Variants in GNA12 observed in about 807,000 individuals in gnomAD.
GNA12 encodes G protein subunit alpha 12.
A neutral mutation model predicts 26.0 loss-of-function variants in GNA12; 9 were observed. The observed-to-expected ratio is 0.35, with a 90% CI of 0.21 to 0.60. GNA12 has a LOEUF of 0.60. GNA12 is among the 20% of genes least tolerant of loss of function. The probability of loss-of-function intolerance (pLI) is 0.78; values close to 1 mark genes in which losing one functional copy is unlikely to be tolerated. For synonymous variants in GNA12, 264 were observed against 219.6 expected (o/e 1.20, Z -1.79); for missense variants, 405 against 525.8 (o/e 0.77, Z 2.25).
At chr7:2,830,820 T>G (rs1182187) in intron 1 of GNA12, among the ~76,000 whole-genome samples, 38,990 of 151,990 alleles carry the variant, frequency 0.26, 5,453 homozygotes, top group Non-Finnish European at 0.3. Flanking sequence ...TGTGCACCTG[T>G]GTCCTAGCTA....
At chr7:2,816,472 C>T (rs1793222688) in intron 1 of GNA12, among the ~76,000 whole-genome samples, 1 of 152,182 alleles carries the variant, frequency 6.6e-6, no homozygotes, top group African/African-American at 2.4e-5. Context: ...CTCAGGTGAT[C>T]CACCTGTCTT....
chr7:2,736,572 G>T (rs551170268), intron 2 of GNA12, among the ~76,000 whole-genome samples: 1 of 152,186 alleles, frequency 6.6e-6, no homozygotes, highest in East Asian at 1.9e-4. Flanking sequence ...GTTGATATGG[G>T]GCCTGTGCAC....
At chr7:2,787,036 G>A (rs1191216690) in intron 2 of GNA12, among the ~76,000 whole-genome samples, 1 of 152,152 alleles carries the variant, frequency 6.6e-6, no homozygotes, top group African/African-American at 2.4e-5. Flanking sequence ...ACACACAGAG[G>A]CAGCCTGGGC....
Position 2,843,936 on chromosome 7 carries a change from G to A in GNA12, c.226C>T (p.Gln76Ter). 2 of 1,593,004 alleles carry A rather than the reference G, an allele frequency of 1.3e-6. No individual in the cohort carries two copies. Among genetic ancestry groups the A allele is most frequent in the Non-Finnish European group, 1.7e-6 (2 of 1,171,562 alleles). Residue 76 changes from glutamine (Q) to a stop codon, truncating the protein, a stop_gained, in exon 1 of 4, where the codon CAG (glutamine) becomes TAG (stop). Coordinates refer to ENST00000275364, the MANE Select transcript of GNA12 (RefSeq NM_007353.3). LOFTEE classifies it high-confidence loss of function. ...GESGKSTFLK[Q>*]MRIIHGREFD... ...TCGCGGCCGTGGATGATGCGCATCT[G>A]CTTGAGGAACGTGGACTTGCCGCTC... is the stretch of plus-strand genomic sequence containing the variant.
At chr7:2,809,061 AC>A (rs1197382670) in intron 1 of GNA12, among the ~76,000 whole-genome samples, 1 of 151,956 alleles carries the variant, frequency 6.6e-6, no homozygotes, top group African/African-American at 2.4e-5. Flanking sequence ...CCAAAACTGC[AC>A]CCCAGGCCCA....
chr7:2,796,610 T>C (rs924165832), intron 1 of GNA12, among the ~76,000 whole-genome samples: 4 of 152,174 alleles, frequency 2.6e-5, no homozygotes, highest in South Asian at 2.1e-4. Flanking sequence ...ACAAGCCAAG[T>C]AGCCCGCCCA....
At position 2,795,040 on chromosome 7, in the gene GNA12, G is replaced by T; in HGVS notation, c.413C>A (p.Ala138Glu). The T allele has an allele frequency of 1.2e-6, 2 of 1,613,826 alleles. No individual in the cohort carries two copies. Among genetic ancestry groups the T allele is most frequent in the Non-Finnish European group, 1.7e-6 (2 of 1,179,730 alleles). ...GMFLMAFENK[A>E]GLPVEPATFQ... ...GGTGGCCGGCTCCACAGGCAGCCCC[G>T]CCTTGTTCTCGAAGGCCATCAGGAA... is the stretch of plus-strand genomic sequence containing the variant. Residue 138 changes from alanine (A) to glutamate (E), a missense_variant, in exon 2 of 4, where the codon GCG becomes GAG. By Grantham distance (107) the Ala-to-Glu change is moderately radical (BLOSUM62 -1). Transcript: ENST00000275364.
At chr7:2,770,330 A>G (rs1791916965) in intron 2 of GNA12, among the ~76,000 whole-genome samples, 1 of 152,202 alleles carries the variant, frequency 6.6e-6, no homozygotes, top group Non-Finnish European at 1.5e-5. Context: ...ATGATCACAC[A>G]ATTTTAAATT....
At chr7:2,777,890 A>G (rs1207518402) in intron 2 of GNA12, among the ~76,000 whole-genome samples, 1 of 152,260 alleles carries the variant, frequency 6.6e-6, no homozygotes, top group Non-Finnish European at 1.5e-5. Context: ...CCTTGAACTC[A>G]TAAGCAAGGA....
chr7:2,769,768 G>T (rs886244364), intron 2 of GNA12, among the ~76,000 whole-genome samples: 2 of 151,894 alleles, frequency 1.3e-5, no homozygotes, highest in African/African-American at 4.8e-5. Context: ...AAAAAACACA[G>T]CTCTGGCCAA....
rs374069762 is a variant in GNA12 at position 2,773,528 on chromosome 7, C to T, written c.525+21400G>A. ...AGTGAGCCAAAATCACACCACTGCA[C>T]TCCAGCCAGGGCGACAGAGTGAGAC... On this transcript the variant is annotated intron_variant, in intron 2 of 3. Transcript: ENST00000275364. 3.3e-5 allele frequency among the ~76,000 whole-genome samples: 5 copies of T among 152,290 alleles called. No individual in the cohort carries two copies. The East Asian group carries it at 7.7e-4, about 23-fold the overall frequency.
chr7:2,820,655 C>T (rs755674930), intron 1 of GNA12, among the ~76,000 whole-genome samples: 2 of 152,228 alleles, frequency 1.3e-5, no homozygotes, highest in Admixed American at 6.5e-5. Flanking sequence ...CCTGCCCCAC[C>T]GGCCAGTCAC....
chr7:2,749,389 T>A (rs1038536973), intron 2 of GNA12, among the ~76,000 whole-genome samples: 1 of 152,088 alleles, frequency 6.6e-6, no homozygotes, highest in Non-Finnish European at 1.5e-5. Flanking sequence ...GAAACCATCA[T>A]TGTCAGCAAA....
chr7:2,796,048 A>G (rs1792662412), intron 1 of GNA12, among the ~76,000 whole-genome samples: 1 of 152,016 alleles, frequency 6.6e-6, no homozygotes, highest in Non-Finnish European at 1.5e-5. Context: ...TATTTTTAGT[A>G]GAGAGGGGGG....
At chr7:2,740,348 T>C (rs557449968) in intron 2 of GNA12, among the ~76,000 whole-genome samples, 115 of 152,254 alleles carry the variant, frequency 7.6e-4, no homozygotes, top group Admixed American at 3.2e-3. Context: ...CATGATACGA[T>C]AGTGCCTTCA....
intron 2 of GNA12, chr7:2,794,582 A>C (rs995005977): frequency 3.7e-6 from 1 of 268,552 alleles, no homozygotes; most frequent in African/African-American, 2.2e-5. Flanking sequence ...CCACAGGTCC[A>C]AAGTGGGAAG....
chr7:2,766,830 C>G (rs1169058155), intron 2 of GNA12, among the ~76,000 whole-genome samples: 2 of 152,232 alleles, frequency 1.3e-5, no homozygotes, highest in Admixed American at 6.5e-5. Flanking sequence ...TACTATATGG[C>G]TGTGCCATTT....
intron 1 of GNA12, among the ~76,000 whole-genome samples, chr7:2,830,220 G>A (rs1208577073): frequency 6.6e-6 from 1 of 150,954 alleles, no homozygotes; most frequent in East Asian, 1.9e-4. Context: ...CTGGGGTCAG[G>A]AAATGCACTA....
chr7:2,735,181 T>G (rs1289844231), intron 2 of GNA12, among the ~76,000 whole-genome samples: 1 of 152,114 alleles, frequency 6.6e-6, no homozygotes, highest in Non-Finnish European at 1.5e-5. Context: ...TCTCCTGCCC[T>G]CCCCTGGGCC....
Sources: allele counts gnomAD v4.1 joint callset (sites outside exome capture counted in the v4.1 genomes callset), GRCh38; gene constraint gnomAD v4.1.1; transcripts MANE v1.5; gene names NCBI Gene and HGNC (gene_info 2026-07-23, HGNC 2026-07-21).